Variants in TMEM202 observed in about 807,000 individuals in gnomAD.
TMEM202 encodes the protein transmembrane protein 202.
Under a neutral mutation model 26.1 loss-of-function variants are expected in TMEM202, and 25 were observed. That is an observed-to-expected ratio of 0.96 (90% CI 0.70 to 1.34). TMEM202 has a LOEUF of 1.34. Among genes scored for constraint, TMEM202 ranks in the 40% most tolerant of loss-of-function variants. The pLI is 0.00. For missense variants in TMEM202, 301 were observed against 327.7 expected (o/e 0.92, Z 0.63); for synonymous variants, 122 against 119.0 (o/e 1.02, Z -0.16).
Position 72,407,910 on chromosome 15 carries a change from T to C in TMEM202, c.*17T>C, listed in dbSNP as rs753277294. 2 of 1,604,102 alleles carry C rather than the reference T, an allele frequency of 1.2e-6. No homozygotes were observed. Among genetic ancestry groups the C allele is most frequent in the Non-Finnish European group, 1.7e-6 (2 of 1,173,740 alleles). On this transcript the variant is annotated 3_prime_UTR_variant, in exon 5 of 5. Coordinates refer to ENST00000341689, the MANE Select transcript of TMEM202 (RefSeq NM_001080462.3). Reference sequence around the variant, plus strand: ...TGGTGGTGATAGGAAAACCTAACTATAGCTTGTCTTAAAAGCAGGGGAGAA... The same window carrying C: ...TGGTGGTGATAGGAAAACCTAACTACAGCTTGTCTTAAAAGCAGGGGAGAA...
chr15:72,408,323 T>C lies in TMEM202; in HGVS notation c.*430T>C, dbSNP rs2063583304. Among the ~76,000 whole-genome samples, 1 of 152,152 alleles carries C rather than the reference T, an allele frequency of 6.6e-6. No homozygotes were observed. Among genetic ancestry groups the C allele is most frequent in the South Asian group, 2.1e-4 (1 of 4,834 alleles). ...CAAATACTGTTGAATCTGAACTTAATAGCATTACCAGAAATGGAATAAATA... is the reference window on the plus strand; with the variant it reads ...CAAATACTGTTGAATCTGAACTTAACAGCATTACCAGAAATGGAATAAATA... On this transcript the variant is annotated 3_prime_UTR_variant, in exon 5 of 5. Transcript: ENST00000341689.
chr15:72,398,729 A>G lies in TMEM202; in HGVS notation c.158A>G (p.His53Arg), dbSNP rs1174692173. 4.3e-6 allele frequency: 7 copies of G among 1,614,086 alleles called. No homozygotes were observed. Among genetic ancestry groups the G allele is most frequent in the Non-Finnish European group, 5.9e-6 (7 of 1,180,052 alleles). ...CAGCAGCAGCTTATGGATCAGGCAC[A>G]CATCTACATCCGAACGCTCTGTGGC... Reference protein sequence around the residue: ...QRQQQLMDQAHIYIRTLCGSL... With the variant: ...QRQQQLMDQARIYIRTLCGSL... The change falls in exon 2 of 5, where the codon CAC (histidine) becomes CGC (arginine). Residue 53 changes from histidine (H) to arginine (R), a missense_variant. Transcript: ENST00000341689.
At chr15:72,399,079 C>T (rs997905311) in intron 2 of TMEM202, among the ~76,000 whole-genome samples, 171 bp downstream of exon 2, 1 of 152,174 alleles carries the variant, frequency 6.6e-6, no homozygotes, top group Non-Finnish European at 1.5e-5. Context: ...TCTCCTATTC[C>T]AGGTTGTTTC....
intron 2 of TMEM202, among the ~76,000 whole-genome samples, chr15:72,402,200 A>G (rs187526938): frequency 7.6e-4 from 115 of 152,298 alleles, no homozygotes; most frequent in African/African-American, 2.7e-3. Flanking sequence ...TCCTGATCTC[A>G]GGTGATCCGC....
At chr15:72,407,598 T>C (rs1203401185) in intron 4 of TMEM202, 93 bp from the exon 5 acceptor site, 1 of 1,174,106 alleles carries the variant, frequency 8.5e-7, no homozygotes, top group East Asian at 2.4e-5. Flanking sequence ...AAAAGATGCC[T>C]CTTGAACTGG....
Position 72,402,638 on chromosome 15 carries a change from G to T in TMEM202, c.337+3730G>T, listed in dbSNP as rs184610950. Reference sequence around the variant, plus strand: ...TGTTATTTTCCCATAGCACTGGTGAGATCAGGCTGAAATATAAAGGATATA... The same window carrying T: ...TGTTATTTTCCCATAGCACTGGTGATATCAGGCTGAAATATAAAGGATATA... On this transcript the variant is annotated intron_variant, in intron 2 of 4. Transcript: ENST00000341689. Among the ~76,000 whole-genome samples, 4 of 152,318 alleles carry T rather than the reference G, an allele frequency of 2.6e-5. No individual in the cohort carries two copies. In the East Asian group the frequency reaches 7.7e-4, roughly 29 times the overall value.
Position 72,408,137 on chromosome 15 carries a change from A to G in TMEM202, c.*244A>G, listed in dbSNP as rs1595827850. The G allele has an allele frequency of 4.5e-6, 2 of 448,528 alleles. No individual in the cohort carries two copies. Among genetic ancestry groups the G allele is most frequent in the Non-Finnish European group, 8.0e-6 (2 of 248,628 alleles). 27.8% of individuals were successfully genotyped at this position (448,528 alleles called of 1,614,324 possible). On this transcript the variant is annotated 3_prime_UTR_variant, in exon 5 of 5. Coordinates refer to ENST00000341689, the MANE Select transcript of TMEM202 (RefSeq NM_001080462.3). ...AACAATGTTTAGAGTCATGAATGAA[A>G]GAAACTAGTGAAAGATGCAGTGTGT...
At chr15:72,399,167 C>CTT (rs1033646968) in intron 2 of TMEM202, among the ~76,000 whole-genome samples, 1 of 152,210 alleles carries the variant, frequency 6.6e-6, no homozygotes, top group Non-Finnish European at 1.5e-5. Context: ...GAGACAGGCT[C>CTT]TTGCTCTAAC....
intron 1 of TMEM202, 111 bp downstream of exon 1, chr15:72,398,518 T>G (rs2063532201): frequency 1.6e-6 from 2 of 1,248,294 alleles, no homozygotes; most frequent in Non-Finnish European, 1.1e-6. Flanking sequence ...ATTGTGGGGT[T>G]TTTTTTTTTT....
rs569903094 is a variant in TMEM202 at position 72,398,877 on chromosome 15, G to C, written c.306G>C (p.Glu102Asp). 1 of 1,612,316 alleles carries C rather than the reference G, an allele frequency of 6.2e-7. No individual in the cohort carries two copies. The highest frequency in any genetic ancestry group is 1.3e-5 in the African/African-American group (1 of 74,862). Residue 102 changes from glutamate to aspartate, a missense_variant, in exon 2 of 5, where the codon GAG becomes GAC. Transcript: ENST00000341689. ...GACTCTGGACCTTATGCAACCATGA[G>C]CTGTGCTGGAGCCACACACCCAAGC... ...YAGLWTLCNH[E>D]LCWSHTPKPP... is the part of the protein sequence containing the mutation.
chr15:72,404,133 G>T (rs1026534040), intron 2 of TMEM202, among the ~76,000 whole-genome samples: 17 of 152,186 alleles, frequency 1.1e-4, no homozygotes, highest in Admixed American at 3.9e-4. Flanking sequence ...AGAAGAATCT[G>T]CCAGGTGTGG....
At position 72,407,181 on chromosome 15, in the gene TMEM202, C is replaced by G; in HGVS notation, c.583C>G (p.Leu195Val). 1 of 1,613,710 alleles carries G rather than the reference C, an allele frequency of 6.2e-7. No homozygotes were observed. The highest frequency in any genetic ancestry group is 8.5e-7 in the Non-Finnish European group (1 of 1,179,776). Reference protein sequence around the residue: ...MESDLLWTYYLNWCSDIFYMF... With the variant: ...MESDLLWTYYVNWCSDIFYMF... The stretch of plus-strand genomic sequence containing the variant: ...GTCAGATCTCCTATGGACCTATTAT[C>G]TTAACTGGTGCAGTGACATCTTTTA... The change falls in exon 4 of 5, where the codon CTT (leucine) becomes GTT (valine). Residue 195 changes from leucine (L) to valine (V), a missense_variant. Transcript: ENST00000341689.
chr15:72,398,451 T>C, intron 1 of TMEM202, 44 bp downstream of exon 1: 2 of 1,537,348 alleles, frequency 1.3e-6, no homozygotes, highest in Non-Finnish European at 1.8e-6. Flanking sequence ...AGAAGAGAAC[T>C]TACTTAAAGG....
intron 2 of TMEM202, among the ~76,000 whole-genome samples, chr15:72,402,759 T>C (rs981448847): frequency 2.6e-5 from 4 of 152,120 alleles, no homozygotes; most frequent in African/African-American, 9.7e-5. Context: ...GTTAGGACCC[T>C]AGGAACAACC....
intron 2 of TMEM202, among the ~76,000 whole-genome samples, chr15:72,400,572 T>G (rs1304112604): frequency 6.6e-6 from 1 of 152,190 alleles, no homozygotes; most frequent in Non-Finnish European, 1.5e-5. Flanking sequence ...TGTAACTGGG[T>G]GCCCAGGCTA....
At chr15:72,403,800 A>C (rs2063559489) in intron 2 of TMEM202, among the ~76,000 whole-genome samples, 1 of 152,198 alleles carries the variant, frequency 6.6e-6, no homozygotes, top group Non-Finnish European at 1.5e-5. Context: ...TTGTTTATAT[A>C]ATTTGTTGTA....
intron 2 of TMEM202, among the ~76,000 whole-genome samples, chr15:72,405,865 C>T (rs1215284101): frequency 2.0e-5 from 3 of 151,994 alleles, no homozygotes. Context: ...TGGCATGTGC[C>T]TGTAATCTCA....
At position 72,398,420 on chromosome 15, in the gene TMEM202, C is replaced by T. The variant is rs2063531591; in HGVS notation, c.81+13C>T. On this transcript the variant is annotated intron_variant, in intron 1 of 4. Coordinates refer to ENST00000341689, the MANE Select transcript of TMEM202 (RefSeq NM_001080462.3). Reference sequence around the variant, plus strand: ...GAAATACCAAAGGGTGAGGAGGTATCTAATTGAAAGTCAGATGGGAAGAAG... The same window carrying T: ...GAAATACCAAAGGGTGAGGAGGTATTTAATTGAAAGTCAGATGGGAAGAAG... 6.2e-7 allele frequency: 1 copy of T among 1,600,104 alleles called. No homozygotes were observed. The highest frequency in any genetic ancestry group is 1.3e-5 in the African/African-American group (1 of 74,510).
intron 2 of TMEM202, among the ~76,000 whole-genome samples, chr15:72,403,266 A>T (rs1352131821): frequency 6.6e-6 from 1 of 152,184 alleles, no homozygotes; most frequent in African/African-American, 2.4e-5. Context: ...TCTGAAGTGT[A>T]GCATCGCTGA....
Sources: allele counts gnomAD v4.1 joint callset (sites outside exome capture counted in the v4.1 genomes callset), GRCh38; gene constraint gnomAD v4.1.1; transcripts MANE v1.5; gene names NCBI Gene and HGNC (gene_info 2026-07-23, HGNC 2026-07-21).